Variants in PGLYRP2 observed in about 807,000 individuals in gnomAD.
PGLYRP2 encodes peptidoglycan recognition protein 2.
PGLYRP2 carries 38 observed loss-of-function variants against 46.2 expected under a neutral mutation model. That is an observed-to-expected ratio of 0.82 (90% confidence interval 0.64 to 1.08). The LOEUF is 1.08. Ranked by LOEUF, PGLYRP2 falls within the 50% of genes least tolerant of loss-of-function variation. The pLI is 0.00. For synonymous variants in PGLYRP2, 289 were observed against 329.4 expected, an observed-to-expected ratio of 0.88 and a Z score of 1.33; for missense variants, 713 against 755.9, an observed-to-expected ratio of 0.94 and a Z score of 0.67.
At position 15,475,673 on chromosome 19, in the gene PGLYRP2, C is replaced by T. The variant is rs1464947574; in HGVS notation, c.997G>A (p.Ala333Thr). ...GAALTSASIL[A>T]QQVWGTLVLL... ...ACAAGGGTTCCCCACACCTGCTGGG[C>T]CAGGATGGAGGCTGAAGTCAGAGCA... Residue 333 changes from alanine (A) to threonine (T), a missense_variant, in exon 2 of 5, where the codon GCC becomes ACC. Transcript: ENST00000340880. The T allele has an allele frequency of 1.9e-6, 3 of 1,614,124 alleles. No individual in the cohort carries two copies. The highest frequency in any genetic ancestry group is 1.6e-4 in the Middle Eastern group (1 of 6,062).
Position 15,469,754 on chromosome 19 carries a change from C to T in PGLYRP2, c.1519G>A (p.Ala507Thr). 6.7e-7 allele frequency: 1 copy of T among 1,498,146 alleles called. No homozygotes were observed. The highest frequency in any genetic ancestry group is 8.8e-7 in the Non-Finnish European group (1 of 1,131,062). 92.8% of individuals were successfully genotyped at this position (1,498,146 alleles called of 1,614,324 possible). A position where few individuals can be genotyped will look rare whatever the true frequency, so the allele number is the denominator to read the frequency against. The change falls in exon 4 of 5, where the codon GCG (alanine) becomes ACG (threonine). Residue 507 changes from alanine to threonine, a missense_variant. Physicochemically the swap from Ala to Thr is moderately conservative, Grantham distance 58 (BLOSUM62 0). Transcript: ENST00000340880. The surrounding 1 kb of genome is among the most constrained non-coding windows in gnomAD (Gnocchi z 4.9). ...GGCCGCAGGAGGCCGGCGCGCACCG[C>T]ACAACTCGGGAGCGTGTCGCGCACC... The part of the protein sequence containing the change: ...RTVRDTLPSC[A>T]VRAGLLRPDY...
chr19:15,473,890 C>T (rs143601220), intron 2 of PGLYRP2, among the ~76,000 whole-genome samples: 2 of 151,500 alleles, frequency 1.3e-5, no homozygotes, highest in African/African-American at 2.4e-5. Flanking sequence ...CACTAAAAAG[C>T]GGGCAAAAGA....
intron 1 of PGLYRP2, 77 bp from the exon 2 acceptor site, chr19:15,476,685 T>G: frequency 8.1e-7 from 1 of 1,233,454 alleles, no homozygotes; most frequent in East Asian, 2.5e-5. Context: ...ATCTACCCAA[T>G]GCTCCCAGCC....
At position 15,479,421 on chromosome 19, in the gene PGLYRP2, A is replaced by AGAACCTCGGCAGT. The variant is rs779749067; in HGVS notation, c.-63_-51dup. 4.4e-6 allele frequency: 7 copies of AGAACCTCGGCAGT among 1,581,544 alleles called. No homozygotes were observed. The highest frequency in any genetic ancestry group is 8.6e-7 in the Non-Finnish European group (1 of 1,156,146). The stretch of plus-strand genomic sequence containing the variant: ...GGGTATTTCTGGTTGGCCTCGGCAG[A>AGAACCTCGGCAGT]GAACCTCGGCAGTGCTGGAGGGAGA... On this transcript the variant is annotated 5_prime_UTR_variant, in exon 1 of 5. Transcript: ENST00000340880.
At chr19:15,477,717 A>T (rs57322996) in intron 1 of PGLYRP2, among the ~76,000 whole-genome samples, 1,437 of 73,676 alleles carry the variant, frequency 0.02, 26 homozygotes, top group African/African-American at 0.082. Context: ...TAAATAAAAT[A>T]AAATTAAATT....
chr19:15,471,853 G>T lies in PGLYRP2; in HGVS notation c.1343+37C>A, dbSNP rs756656529. The T allele has an allele frequency of 5.6e-6, 9 of 1,597,520 alleles. No homozygotes were observed. In the South Asian group the frequency reaches 6.7e-5, roughly 12 times the overall value. On this transcript the variant is annotated intron_variant, in intron 3 of 4. Coordinates refer to ENST00000340880, the MANE Select transcript of PGLYRP2 (RefSeq NM_052890.4). The stretch of plus-strand genomic sequence containing the variant: ...GCCCACTCAGACCCCATCCCCGAAC[G>T]TGGGCCCCGCCCCCTCCCCGGTCGG...
At chr19:15,475,269 A>C (rs1970783063) in intron 2 of PGLYRP2, among the ~76,000 whole-genome samples, 1 of 152,154 alleles carries the variant, frequency 6.6e-6, no homozygotes, top group South Asian at 2.1e-4. Flanking sequence ...ACCACTATGC[A>C]ATCTATGCGA....
chr19:15,474,603 G>A (rs1450071800), intron 2 of PGLYRP2, among the ~76,000 whole-genome samples: 2 of 152,104 alleles, frequency 1.3e-5, no homozygotes, highest in African/African-American at 2.4e-5. Flanking sequence ...AGCCCTGGAC[G>A]AAGGTCAGGC....
intron 3 of PGLYRP2, among the ~76,000 whole-genome samples, chr19:15,470,245 C>CT (rs1176846698): frequency 1.1e-5 from 1 of 94,312 alleles, no homozygotes; most frequent in Non-Finnish European, 2.1e-5. Context: ...TTTTTCTTTC[C>CT]TTCCTTCCTT....
chr19:15,471,450 T>TG (rs975800193), intron 3 of PGLYRP2, among the ~76,000 whole-genome samples: 19 of 149,534 alleles, frequency 1.3e-4, no homozygotes, highest in African/African-American at 2.2e-4. Context: ...ATGGGTGGTG[T>TG]GGGGGGGTGT....
chr19:15,470,297 T>TTCC (rs1568340281), intron 3 of PGLYRP2, among the ~76,000 whole-genome samples: 1,053 of 68,806 alleles, frequency 0.015, 6 homozygotes, highest in Non-Finnish European at 0.021. Flanking sequence ...TCCTTCCTTC[T>TTCC]TTCTTTCTTT....
At chr19:15,475,500 T>C (rs1171389743) in intron 2 of PGLYRP2, 38 bp downstream of exon 2, 14 of 1,533,912 alleles carry the variant, frequency 9.1e-6, no homozygotes, top group African/African-American at 8.2e-5. Flanking sequence ...TCTGTGTCTG[T>C]AATGGGAAGG....
rs1165323091 is a variant in PGLYRP2, at chr19:15,469,510, G to C, written c.1641+122C>G. The C allele has an allele frequency of 2.2e-6, 3 of 1,351,146 alleles. No individual in the cohort carries two copies. The South Asian group carries it at 3.7e-5, about 17-fold the overall frequency. The allele number at this position is 1,351,146 out of a possible 1,614,324, so 83.7% of individuals were successfully genotyped here. ...GTTTCCTGAATAGACGTGCCGCCGG[G>C]AAGTTGGGGGCCTGGCTGAGGCTGT... is the stretch of plus-strand genomic sequence containing the variant. On this transcript the variant is annotated intron_variant, in intron 4 of 4. Coordinates refer to ENST00000340880, the MANE Select transcript of PGLYRP2 (RefSeq NM_052890.4). This position sits in a 1 kb window ranked among gnomAD's most constrained non-coding sequence, Gnocchi z 4.9.
chr19:15,470,300 C>CTT (rs1568340290), intron 3 of PGLYRP2, among the ~76,000 whole-genome samples: 1 of 135,422 alleles, frequency 7.4e-6, no homozygotes, highest in African/African-American at 2.8e-5. Context: ...TTCCTTCTTT[C>CTT]TTTCTTTCTT....
At chr19:15,471,271 C>G (rs1045850364) in intron 3 of PGLYRP2, among the ~76,000 whole-genome samples, 1 of 152,058 alleles carries the variant, frequency 6.6e-6, no homozygotes, top group African/African-American at 2.4e-5. Flanking sequence ...CGCCATCACG[C>G]CTGGCTAATT....
chr19:15,479,205 T>C, intron 1 of PGLYRP2, 106 bp downstream of exon 1: 1 of 1,184,958 alleles, frequency 8.4e-7, no homozygotes, highest in Non-Finnish European at 1.2e-6. Context: ...CTTTGAGAGC[T>C]TGAGTCTCCA....
chr19:15,472,806 C>A (rs1030835665), intron 2 of PGLYRP2, among the ~76,000 whole-genome samples: 2 of 152,134 alleles, frequency 1.3e-5, no homozygotes, highest in African/African-American at 4.8e-5. Flanking sequence ...ATATCAAAGT[C>A]ATTTTTCACA....
intron 3 of PGLYRP2, among the ~76,000 whole-genome samples, chr19:15,471,377 G>A (rs1418303596): frequency 6.6e-6 from 1 of 151,970 alleles, no homozygotes; most frequent in African/African-American, 2.4e-5. Flanking sequence ...GCCTCCCAAA[G>A]TGCTGGGATT....
Position 15,476,347 on chromosome 19 carries a change from T to C in PGLYRP2, c.323A>G (p.Tyr108Cys), listed in dbSNP as rs1970796175. Residue 108 changes from tyrosine to cysteine, a missense_variant, in exon 2 of 5, where the codon TAT becomes TGT. By Grantham distance (194) the Tyr-to-Cys change is radical. Coordinates refer to ENST00000340880, the MANE Select transcript of PGLYRP2 (RefSeq NM_052890.4). ...GCCATCAGGTGCCAGCACCACCCCA[T>C]ATTCCTTCCCTTCTCGTACGTCATG... ...ARHDVREGKE[Y>C]GVVLAPDGST... 11 of 1,614,096 alleles carry C rather than the reference T, an allele frequency of 6.8e-6. No homozygotes were observed. The highest frequency in any genetic ancestry group is 9.3e-6 in the Non-Finnish European group (11 of 1,180,012).
Sources: allele counts gnomAD v4.1 joint callset (sites outside exome capture counted in the v4.1 genomes callset), GRCh38; gene constraint gnomAD v4.1.1; non-coding constraint Gnocchi (gnomAD v3.1); transcripts MANE v1.5; gene names NCBI Gene and HGNC (gene_info 2026-07-23, HGNC 2026-07-21).